Variants in TRPC5 observed in about 807,000 individuals in gnomAD.
TRPC5 encodes short transient receptor potential channel 5.
A neutral mutation model predicts 56.5 loss-of-function variants in TRPC5; 9 were observed. The observed-to-expected ratio is 0.16, with a 90% CI of 0.10 to 0.28. TRPC5 has a LOEUF of 0.28. Among genes scored for constraint, TRPC5 ranks in the 10% least tolerant of loss-of-function variants. The pLI, the probability that TRPC5 is intolerant of heterozygous loss-of-function variation, is 1.00. For missense variants in TRPC5, 469 were observed against 748.9 expected, an observed-to-expected ratio of 0.63 and a Z score of 4.36; for synonymous variants, 282 against 278.5, an observed-to-expected ratio of 1.01 and a Z score of -0.13.
At chrX:111,924,523 C>T (rs923711726) in intron 2 of TRPC5, among the ~76,000 whole-genome samples, 1 of 110,866 alleles carries the variant, frequency 9.0e-6, no homozygotes, top group Non-Finnish European at 1.9e-5. Context: ...AAGCAAAATT[C>T]ATGTTACATA....
chrX:111,878,754 G>A (rs981434059), intron 3 of TRPC5, among the ~76,000 whole-genome samples: 4 of 111,661 alleles, frequency 3.6e-5, no homozygotes, highest in African/African-American at 1.3e-4. Flanking sequence ...TGCTTTAGGT[G>A]ATCTGGGCCT....
At chrX:111,779,273 A>C (rs886761707) in intron 9 of TRPC5, among the ~76,000 whole-genome samples, 199 bp from the exon 10 acceptor site, 4 of 112,082 alleles carry the variant, frequency 3.6e-5, no homozygotes, top group Admixed American at 9.5e-5. Context: ...TGGCAGAATC[A>C]AATTAACCCT....
At chrX:111,856,047 A>G (rs1459885973) in intron 3 of TRPC5, among the ~76,000 whole-genome samples, 1 of 111,507 alleles carries the variant, frequency 9.0e-6, no homozygotes, top group Non-Finnish European at 1.9e-5. Context: ...AGAGGAAAAG[A>G]AAAGAGAGTA....
chrX:111,850,791 T>A (rs1187803760), intron 5 of TRPC5, among the ~76,000 whole-genome samples: 1 of 112,176 alleles, frequency 8.9e-6, no homozygotes, highest in East Asian at 2.8e-4. Flanking sequence ...TGTGATTAGC[T>A]AATGTTGAGA....
chrX:111,921,528 A>C (rs5943222), intron 2 of TRPC5, among the ~76,000 whole-genome samples: 13,329 of 110,016 alleles, frequency 0.12, 759 homozygotes, highest in African/African-American at 0.21. Flanking sequence ...TTGATTATTT[A>C]TTATCAAATT....
intron 1 of TRPC5, among the ~76,000 whole-genome samples, chrX:111,998,607 A>G (rs1189448944): frequency 8.9e-6 from 1 of 112,163 alleles, no homozygotes; most frequent in Non-Finnish European, 1.9e-5. Context: ...CAGTTGACTC[A>G]TTAACAATAT....
intron 3 of TRPC5, among the ~76,000 whole-genome samples, chrX:111,889,201 T>C (rs1452826600): frequency 1.3e-4 from 15 of 111,510 alleles, no homozygotes; most frequent in Admixed American, 8.5e-4. Context: ...TGATTGGCCA[T>C]GTTAAAGGCT....
At chrX:112,016,036 G>C (rs755722114) in intron 1 of TRPC5, among the ~76,000 whole-genome samples, 5 of 111,303 alleles carry the variant, frequency 4.5e-5, no homozygotes, top group Non-Finnish European at 9.4e-5. Context: ...CCTTAATCCA[G>C]GGCAGCAGAC....
At chrX:111,835,988 T>A (rs1424280345) in intron 6 of TRPC5, among the ~76,000 whole-genome samples, 1 of 111,801 alleles carries the variant, frequency 8.9e-6, no homozygotes, top group Non-Finnish European at 1.9e-5. Flanking sequence ...ATCATTATGA[T>A]CCTTGTAAAA....
rs1922779064 is a variant in TRPC5 at position 111,842,242 on chromosome X, ATTCTC to A, written c.1700+4867_1700+4871del. ...AGTCTCTGGCTCCCGGGTTCAAGCG[ATTCTC>A]CTGCCCCAGCCTCCCAAGTAGCTGG... is the stretch of plus-strand genomic sequence containing the variant. On this transcript the variant is annotated intron_variant, in intron 6 of 10. Coordinates refer to ENST00000262839, the MANE Select transcript of TRPC5 (RefSeq NM_012471.3). Among the ~76,000 whole-genome samples the A allele has an allele frequency of 2.9e-5, 3 of 104,746 alleles. No individual in the cohort carries two copies. In the South Asian group the frequency reaches 1.3e-3, roughly 44 times the overall value. The allele number at this position is 104,746 out of a possible 115,157, so 91.0% of individuals were successfully genotyped here.
intron 1 of TRPC5, among the ~76,000 whole-genome samples, chrX:112,040,380 G>A (rs1324265829): frequency 8.9e-6 from 1 of 111,889 alleles, no homozygotes; most frequent in Admixed American, 9.5e-5. Flanking sequence ...TGATGATCTA[G>A]AACAATCCAT....
In TRPC5 at chrX:111,772,958, GT is replaced by G. The variant is rs1473530548; in HGVS notation, c.*3354del. Among the ~76,000 whole-genome samples the G allele has an allele frequency of 1.8e-5, 2 of 111,564 alleles. No homozygotes were observed. Among genetic ancestry groups the G allele is most frequent in the Non-Finnish European group, 3.8e-5 (2 of 53,168 alleles). ...GTTCCCACTGAGGTTTTCAGATGAG[GT>G]TTGCACTGCCATAAGAACTATAAAG... On this transcript the variant is annotated 3_prime_UTR_variant, in exon 11 of 11. Coordinates refer to ENST00000262839, the MANE Select transcript of TRPC5 (RefSeq NM_012471.3).
chrX:111,966,976 T>C (rs1421452566), intron 1 of TRPC5, among the ~76,000 whole-genome samples: 91 of 111,248 alleles, frequency 8.2e-4, no homozygotes, highest in Middle Eastern at 4.6e-3. Flanking sequence ...AAGTTCTGGC[T>C]AGGGCAATTA....
chrX:111,938,558 G>A (rs374595507), intron 2 of TRPC5, among the ~76,000 whole-genome samples: 33 of 111,153 alleles, frequency 3.0e-4, no homozygotes, highest in African/African-American at 8.8e-4. Flanking sequence ...TAGCATGAAG[G>A]GTTGTTGAAT....
chrX:111,849,109 G>A (rs3027709), intron 5 of TRPC5, among the ~76,000 whole-genome samples: 1 of 112,336 alleles, frequency 8.9e-6, no homozygotes, highest in East Asian at 2.8e-4. Context: ...ACAGACCTAT[G>A]TTTTAAAACT....
intron 1 of TRPC5, among the ~76,000 whole-genome samples, chrX:111,974,390 T>C (rs1367695560): frequency 2.7e-5 from 3 of 110,399 alleles, no homozygotes; most frequent in Non-Finnish European, 5.7e-5. Flanking sequence ...GGGTCTTCCA[T>C]AGGTATTAAG....
Position 111,912,302 on chromosome X carries a change from G to A in TRPC5, c.889C>T (p.His297Tyr), listed in dbSNP as rs891176124. Residue 297 changes from histidine to tyrosine, a missense_variant, in exon 3 of 11, where the codon CAC becomes TAC. His to Tyr is a moderately conservative substitution (Grantham distance 83, BLOSUM62 2). Coordinates refer to ENST00000262839, the MANE Select transcript of TRPC5 (RefSeq NM_012471.3). ...LAKLKVAIKY[H>Y]QKEFVAQPNC... Reference sequence around the variant, plus strand: ...TGAGCTCAGCTTACCTCTTTCTGGTGGTATTTGATTGCCACCTTCAACTTG... The same window carrying A: ...TGAGCTCAGCTTACCTCTTTCTGGTAGTATTTGATTGCCACCTTCAACTTG... The A allele has an allele frequency of 8.3e-7, 1 of 1,199,721 alleles. No homozygotes were observed. Among genetic ancestry groups the A allele is most frequent in the African/African-American group, 1.7e-5 (1 of 57,316 alleles).
At chrX:111,849,675 G>A (rs1410987076) in intron 5 of TRPC5, among the ~76,000 whole-genome samples, 2 of 112,236 alleles carry the variant, frequency 1.8e-5, no homozygotes, top group Non-Finnish European at 3.8e-5. Flanking sequence ...AGTCCTTTGG[G>A]CTTTTTATAT....
intron 1 of TRPC5, among the ~76,000 whole-genome samples, chrX:112,024,355 G>T (rs1929361433): frequency 9.0e-6 from 1 of 111,694 alleles, no homozygotes; most frequent in African/African-American, 3.3e-5. Flanking sequence ...GGCCTGAATA[G>T]AACAAAAGGC....
Sources: gnomAD v4.1 joint callset for allele counts (sites outside exome capture counted in the v4.1 genomes callset) on GRCh38, gnomAD v4.1.1 for gene constraint, MANE v1.5 for transcripts, NCBI Gene and HGNC (gene_info 2026-07-23, HGNC 2026-07-21) for gene names.